FAT3: variants seen among roughly 807,000 people sequenced by gnomAD.
The protein encoded by FAT3 is protocadherin Fat 3.
FAT3 carries 95 observed loss-of-function variants against 310.2 expected under a neutral mutation model. That is an observed-to-expected ratio of 0.31 (90% confidence interval 0.26 to 0.36). The LOEUF is 0.36. Among genes scored for constraint, FAT3 ranks in the 10% least tolerant of loss-of-function variants. The pLI is 1.00. For synonymous variants in FAT3, 2,314 were observed against 2,192.9 expected (o/e 1.06, Z -1.54); for missense variants, 5,408 against 5,715.6 (o/e 0.95, Z 1.74).
chr11:92,447,084 T>C (rs142408635), intron 2 of FAT3, among the ~76,000 whole-genome samples: 1,608 of 152,006 alleles, frequency 0.011, 16 homozygotes, highest in Middle Eastern at 0.02. Context: ...AAAGTGTTGA[T>C]TGAATGTAGC....
intron 22 of FAT3, among the ~76,000 whole-genome samples, chr11:92,880,393 T>C (rs1450529646): frequency 6.6e-6 from 1 of 151,090 alleles, no homozygotes; most frequent in African/African-American, 2.4e-5. Flanking sequence ...TGGAGGCATC[T>C]GCCTTGTGCA....
chr11:92,703,099 A>G (rs1944151621), intron 4 of FAT3, among the ~76,000 whole-genome samples: 1 of 152,224 alleles, frequency 6.6e-6, no homozygotes, highest in Admixed American at 6.5e-5. Flanking sequence ...TGTAACATAC[A>G]ACTCATGTGA....
At chr11:92,774,215 G>A in intron 7 of FAT3, 35 bp downstream of exon 7, 1 of 1,568,140 alleles carries the variant, frequency 6.4e-7, no homozygotes, top group East Asian at 2.3e-5. Context: ...CAGGAATGCT[G>A]AAAGAGCTGC....
intron 2 of FAT3, among the ~76,000 whole-genome samples, chr11:92,476,083 G>A (rs533606314): frequency 4.4e-4 from 67 of 151,926 alleles, no homozygotes; most frequent in South Asian, 3.5e-3. Context: ...GTGTGTGTGC[G>A]TGTGTGTGTG....
At chr11:92,776,428 A>G (rs1471483747) in intron 7 of FAT3, among the ~76,000 whole-genome samples, 2 of 152,236 alleles carry the variant, frequency 1.3e-5, no homozygotes, top group Non-Finnish European at 2.9e-5. Context: ...CGTTTGTTCC[A>G]CAAATATCTT....
At chr11:92,474,593 C>A (rs1190199039) in intron 2 of FAT3, among the ~76,000 whole-genome samples, 1 of 152,020 alleles carries the variant, frequency 6.6e-6, no homozygotes, top group African/African-American at 2.4e-5. Flanking sequence ...GACAAGGGAC[C>A]ACAGGGAGAT....
Position 92,675,661 on chromosome 11 carries a change from T to C in FAT3, c.3608-21723T>C, listed in dbSNP as rs543796417. On this transcript the variant is annotated intron_variant, in intron 3 of 27. Transcript: ENST00000525166. ...TAATCATACTGTCTTAGGTTATTTG[T>C]CCAATTCTAAGTAATGAGGTTCCCA... 2.0e-5 allele frequency among the ~76,000 whole-genome samples: 3 copies of C among 152,300 alleles called. No homozygotes were observed. The East Asian group carries it at 5.8e-4, about 29-fold the overall frequency.
At chr11:92,362,864 T>A (rs2134680524) in intron 2 of FAT3, among the ~76,000 whole-genome samples, 1 of 152,370 alleles carries the variant, frequency 6.6e-6, no homozygotes, top group South Asian at 2.1e-4. Flanking sequence ...TTTGATGTGT[T>A]GGTACATTTC....
At chr11:92,402,539 A>G (rs1027823425) in intron 2 of FAT3, among the ~76,000 whole-genome samples, 1 of 151,886 alleles carries the variant, frequency 6.6e-6, no homozygotes, top group Non-Finnish European at 1.5e-5. Context: ...AGACCAGCCT[A>G]GGAAACATGG....
chr11:92,459,436 A>T (rs1404820690), intron 2 of FAT3, among the ~76,000 whole-genome samples: 1 of 152,186 alleles, frequency 6.6e-6, no homozygotes, highest in East Asian at 1.9e-4. Context: ...AGCTTGGGTA[A>T]ATCTCAACGT....
At position 92,354,527 on chromosome 11, in the gene FAT3, C is replaced by G; in HGVS notation, c.2415C>G (p.Asp805Glu). ...ATCTCCTTAATATCACCATCTATGACTTAGGTAATCCACAGAAATCGTCAT... is the reference window on the plus strand; with the variant it reads ...ATCTCCTTAATATCACCATCTATGAGTTAGGTAATCCACAGAAATCGTCAT... ...DLYLLNITIY[D>E]LGNPQKSSWR... The change falls in exon 2 of 28, where the codon GAC becomes GAG. Residue 805 changes from aspartate (D) to glutamate (E), a missense_variant. Physicochemically the swap from Asp to Glu is conservative, Grantham distance 45. Coordinates refer to ENST00000525166, the MANE Select transcript of FAT3 (RefSeq NM_001367949.2). The G allele has an allele frequency of 6.2e-7, 1 of 1,613,832 alleles. No homozygotes were observed. The highest frequency in any genetic ancestry group is 8.5e-7 in the Non-Finnish European group (1 of 1,179,846).
intron 1 of FAT3, among the ~76,000 whole-genome samples, chr11:92,284,991 T>A (rs1946522310): frequency 6.6e-6 from 1 of 152,154 alleles, no homozygotes; most frequent in African/African-American, 2.4e-5. Context: ...GTGATAGAAT[T>A]TTCTATTAGG....
intron 2 of FAT3, among the ~76,000 whole-genome samples, chr11:92,509,308 A>G (rs1953212107): frequency 6.6e-6 from 1 of 152,220 alleles, no homozygotes; most frequent in African/African-American, 2.4e-5. Flanking sequence ...AGTCAAATGC[A>G]TTTAAAAATG....
At chr11:92,566,402 G>C (rs533948526) in intron 3 of FAT3, among the ~76,000 whole-genome samples, 6 of 152,122 alleles carry the variant, frequency 3.9e-5, no homozygotes, top group Admixed American at 2.0e-4. Flanking sequence ...CAAACAAATG[G>C]AAGAACATTC....
At chr11:92,629,059 AAC>A (rs1271043150) in intron 3 of FAT3, among the ~76,000 whole-genome samples, 1 of 152,244 alleles carries the variant, frequency 6.6e-6, no homozygotes, top group Non-Finnish European at 1.5e-5. Flanking sequence ...TCATGATTAA[AAC>A]AGTGACAAGA....
At chr11:92,609,263 T>C (rs1235987158) in intron 3 of FAT3, among the ~76,000 whole-genome samples, 1 of 152,170 alleles carries the variant, frequency 6.6e-6, no homozygotes, top group East Asian at 1.9e-4. Context: ...AACTTTTAAG[T>C]CATTCCTTGA....
intron 3 of FAT3, among the ~76,000 whole-genome samples, chr11:92,555,965 C>T (rs1955004479): frequency 6.6e-6 from 1 of 152,158 alleles, no homozygotes; most frequent in Non-Finnish European, 1.5e-5. Flanking sequence ...CAGCCTCGGT[C>T]TGCTCGGTTT....
intron 3 of FAT3, among the ~76,000 whole-genome samples, chr11:92,620,168 A>C (rs572521): frequency 0.57 from 87,063 of 151,932 alleles, 26,695 homozygotes; most frequent in African/African-American, 0.8. Flanking sequence ...TTAAAAATGT[A>C]CTTTTGCTAT....
At chr11:92,450,581 G>A (rs988158876) in intron 2 of FAT3, among the ~76,000 whole-genome samples, 1 of 152,182 alleles carries the variant, frequency 6.6e-6, no homozygotes, top group African/African-American at 2.4e-5. Flanking sequence ...GCTGTTTATG[G>A]AGGAGTGGGA....
Sources: allele counts gnomAD v4.1 joint callset (sites outside exome capture counted in the v4.1 genomes callset), GRCh38; gene constraint gnomAD v4.1.1; transcripts MANE v1.5; gene names NCBI Gene and HGNC (gene_info 2026-07-23, HGNC 2026-07-21).